Variants in SLC30A1 observed in about 807,000 individuals in gnomAD.
SLC30A1 encodes the protein solute carrier family 30 member 1.
In SLC30A1, 7 loss-of-function variants were observed where a neutral mutation model predicts 29.8. The observed-to-expected ratio is 0.23, with a 90% confidence interval of 0.13 to 0.44. SLC30A1 has a LOEUF of 0.44. Ranked by LOEUF, SLC30A1 falls within the 20% of genes least tolerant of loss-of-function variation. The pLI is 1.00. For missense variants in SLC30A1, 446 were observed against 647.9 expected, an observed-to-expected ratio of 0.69 and a Z score of 3.38; for synonymous variants, 254 against 253.5, an observed-to-expected ratio of 1.00 and a Z score of -0.02.
chr1:211,577,830 C>G lies in SLC30A1; in HGVS notation c.622+161G>C, dbSNP rs1409373575. ...CTGAGGGGGTTCTGATTTCCTGGAG[C>G]AGCAGCGGGGCGTGTGCAGGACGGG... On this transcript the variant is annotated intron_variant, in intron 1 of 1. Transcript: ENST00000367001. The surrounding 1 kb of genome is among the most constrained non-coding windows in gnomAD (Gnocchi z 4.5). Among the ~76,000 whole-genome samples, 1 of 152,222 alleles carries G rather than the reference C, an allele frequency of 6.6e-6. No individual in the cohort carries two copies. The highest frequency in any genetic ancestry group is 1.5e-5 in the Non-Finnish European group (1 of 68,032).
At position 211,577,902 on chromosome 1, in the gene SLC30A1, G is replaced by A. The variant is rs1706740771; in HGVS notation, c.622+89C>T. On this transcript the variant is annotated intron_variant, in intron 1 of 1. Transcript: ENST00000367001. This position sits in a 1 kb window ranked among gnomAD's most constrained non-coding sequence, Gnocchi z 4.5. ...GCGGCGCAGGCCCGCTCGGGCAGCA[G>A]GGGGCGTGCGGGCCACCCCGCCGAA... 6.5e-7 allele frequency: 1 copy of A among 1,548,126 alleles called. No individual in the cohort carries two copies. Among genetic ancestry groups the A allele is most frequent in the African/African-American group, 1.4e-5 (1 of 73,770 alleles).
In SLC30A1 at chr1:211,577,087, T is replaced by C. The variant is rs1208470543; in HGVS notation, c.623-798A>G. ...TACAACTTGAATTTCACTAACTTCA[T>C]ATTCTGCACTCGAAAAGGAAAATTA... On this transcript the variant is annotated intron_variant, in intron 1 of 1. Transcript: ENST00000367001. This position sits in a 1 kb window ranked among gnomAD's most constrained non-coding sequence, Gnocchi z 4.5. Among the ~76,000 whole-genome samples, 4 of 152,194 alleles carry C rather than the reference T, an allele frequency of 2.6e-5. No homozygotes were observed. Among genetic ancestry groups the C allele is most frequent in the Non-Finnish European group, 4.4e-5 (3 of 68,030 alleles).
In SLC30A1 at chr1:211,578,252, C is replaced by T. The variant is rs1253515265; in HGVS notation, c.361G>A (p.Val121Met). The change falls in exon 1 of 2, where the codon GTG becomes ATG. Residue 121 changes from valine to methionine, a missense_variant. By Grantham distance (21) the Val-to-Met change is conservative. Around this residue, in one of 5 missense-constraint regions of SLC30A1, gnomAD observed 37 missense variants for 64.0 expected, o/e 0.58. Coordinates refer to ENST00000367001, the MANE Select transcript of SLC30A1 (RefSeq NM_021194.3). Reference protein sequence around the residue: ...QQPLVVLGVGVAGLLVNVLGL... With the variant: ...QQPLVVLGVGMAGLLVNVLGL... ...AGCACGTTGACCAGCAGCCCGGCCA[C>T]GCCGACCCCAAGGACCACCAGCGGC... The T allele has an allele frequency of 6.2e-7, 1 of 1,612,176 alleles. No individual in the cohort carries two copies. Among genetic ancestry groups the T allele is most frequent in the Non-Finnish European group, 8.5e-7 (1 of 1,179,502 alleles).
Position 211,578,174 on chromosome 1 carries a change from C to T in SLC30A1, c.439G>A (p.Gly147Ser). 1 of 1,608,610 alleles carries T rather than the reference C, an allele frequency of 6.2e-7. No individual in the cohort carries two copies. The highest frequency in any genetic ancestry group is 1.3e-5 in the African/African-American group (1 of 74,982). ...HSGFSQDSGH[G>S]HSHGGHGHGH... is the part of the protein sequence containing the mutation. ...TGGCCGTGACCCCCGTGCGAGTGGC[C>T]GTGGCCGGAGTCCTGGCTGAAGCCG... is the stretch of plus-strand genomic sequence containing the variant. The change falls in exon 1 of 2, where the codon GGC becomes AGC. Residue 147 changes from glycine (G) to serine (S), a missense_variant. Transcript: ENST00000367001.
At position 211,571,574 on chromosome 1, in the gene SLC30A1, T is replaced by C. The variant is rs1706653410; in HGVS notation, c.*3814A>G. The stretch of plus-strand genomic sequence containing the variant: ...GCCATATGCACAAATGAAGTAGATA[T>C]TAAAATTAGTTTATTTTTCTACTTA... On this transcript the variant is annotated 3_prime_UTR_variant, in exon 2 of 2. Coordinates refer to ENST00000367001, the MANE Select transcript of SLC30A1 (RefSeq NM_021194.3). 6.6e-6 allele frequency: 1 copy of C among 152,224 alleles called. No homozygotes were observed. Among genetic ancestry groups the C allele is most frequent in the Admixed American group, 6.5e-5 (1 of 15,282 alleles). The allele number at this position is 152,224 out of a possible 1,614,324, so 9.4% of individuals were successfully genotyped here. A position where few individuals can be genotyped will look rare whatever the true frequency, so the allele number is the denominator to read the frequency against.
chr1:211,576,122 C>T lies in SLC30A1; in HGVS notation c.790G>A (p.Val264Ile), dbSNP rs1450677908. 2 of 1,614,030 alleles carry T rather than the reference C, an allele frequency of 1.2e-6. No individual in the cohort carries two copies. The highest frequency in any genetic ancestry group is 2.2e-5 in the South Asian group (2 of 91,070). ...GDALGSVIVV[V>I]NALVFYFSWK... ...GAAAAGTAAAAGACTAAGGCATTTACTACTACAATCACTGAACCCAAGGCA... is the reference window on the plus strand; with the variant it reads ...GAAAAGTAAAAGACTAAGGCATTTATTACTACAATCACTGAACCCAAGGCA... Residue 264 changes from valine (V) to isoleucine (I), a missense_variant, in exon 2 of 2, where the codon GTA (valine) becomes ATA (isoleucine). This residue lies in a region of SLC30A1 where 187 missense variants were observed against 312.7 expected (regional missense o/e 0.60). Coordinates refer to ENST00000367001, the MANE Select transcript of SLC30A1 (RefSeq NM_021194.3).
At position 211,575,745 on chromosome 1, in the gene SLC30A1, T is replaced by C. The variant is rs1229301191; in HGVS notation, c.1167A>G (p.Lys389=). ...GSRIIATAHI[K]CEDPTSYMEV... is the part of the protein sequence containing the mutation. ...CCATGTATGATGTTGGATCTTCACA[T>C]TTTATGTGAGCAGTGGCAATGATTC... Residue 389 remains lysine (K), a synonymous_variant, in exon 2 of 2, where the codon AAA becomes AAG. Coordinates refer to ENST00000367001, the MANE Select transcript of SLC30A1 (RefSeq NM_021194.3). This position sits in a 1 kb window ranked among gnomAD's most constrained non-coding sequence, Gnocchi z 6.0. 6.2e-7 allele frequency: 1 copy of C among 1,614,154 alleles called. No homozygotes were observed. Among genetic ancestry groups the C allele is most frequent in the Admixed American group, 1.7e-5 (1 of 60,030 alleles).
In SLC30A1 at chr1:211,574,625, T is replaced by C. The variant is rs1706696747; in HGVS notation, c.*763A>G. 6.6e-6 allele frequency: 1 copy of C among 152,162 alleles called. No homozygotes were observed. The highest frequency in any genetic ancestry group is 1.5e-5 in the Non-Finnish European group (1 of 67,990). 9.4% of individuals were successfully genotyped at this position (152,162 alleles called of 1,614,324 possible). On this transcript the variant is annotated 3_prime_UTR_variant, in exon 2 of 2. Coordinates refer to ENST00000367001, the MANE Select transcript of SLC30A1 (RefSeq NM_021194.3). ...AATCTTTCAAAGAAAGTAATGCTGG[T>C]GAACATGTCCAAGTTTCAGATTAAC...
chr1:211,576,326 A>G (rs1427592356), intron 1 of SLC30A1, 37 bp from the exon 2 acceptor site: 52 of 1,322,664 alleles, frequency 3.9e-5, no homozygotes, highest in Non-Finnish European at 5.2e-5. Context: ...AAATACATTT[A>G]AAGTGTTTAT....
At position 211,579,037 on chromosome 1, in the gene SLC30A1, G is replaced by A. The variant is rs969877000; in HGVS notation, c.-425C>T. 2.0e-5 allele frequency among the ~76,000 whole-genome samples: 3 copies of A among 152,206 alleles called. No homozygotes were observed. The highest frequency in any genetic ancestry group is 4.4e-5 in the Non-Finnish European group (3 of 68,014). On this transcript the variant is annotated 5_prime_UTR_variant, in exon 1 of 2. Transcript: ENST00000367001. ...GGCAGCTTCGCGCCGAGAAAGCTCC[G>A]AGCATCTGAGGGCTCTGCTTGCTGG...
rs1371279925 is a variant in SLC30A1, at chr1:211,577,842, G to C, written c.622+149C>G. On this transcript the variant is annotated intron_variant, in intron 1 of 1. Coordinates refer to ENST00000367001, the MANE Select transcript of SLC30A1 (RefSeq NM_021194.3). This position sits in a 1 kb window ranked among gnomAD's most constrained non-coding sequence, Gnocchi z 4.5. Reference sequence around the variant, plus strand: ...TGATTTCCTGGAGCAGCAGCGGGGCGTGTGCAGGACGGGGAGGGAGCAGGC... The same window carrying C: ...TGATTTCCTGGAGCAGCAGCGGGGCCTGTGCAGGACGGGGAGGGAGCAGGC... 2.6e-5 allele frequency: 27 copies of C among 1,025,072 alleles called. No individual in the cohort carries two copies. Among genetic ancestry groups the C allele is most frequent in the Middle Eastern group, 3.3e-4 (1 of 3,066 alleles). The allele number at this position is 1,025,072 out of a possible 1,614,324, so 63.5% of individuals were successfully genotyped here. A position where few individuals can be genotyped will look rare whatever the true frequency, so the allele number is the denominator to read the frequency against.
Position 211,578,869 on chromosome 1 carries a change from C to T in SLC30A1, c.-257G>A. Reference sequence around the variant, plus strand: ...AGGCGTCCGTCCTCAGAGCCGGCGCCGAGGCCCGGCTCAGCCTCAGCAGCC... The same window carrying T: ...AGGCGTCCGTCCTCAGAGCCGGCGCTGAGGCCCGGCTCAGCCTCAGCAGCC... On this transcript the variant is annotated 5_prime_UTR_variant, in exon 1 of 2. Transcript: ENST00000367001. The T allele has an allele frequency of 3.4e-6, 1 of 291,244 alleles. No individual in the cohort carries two copies. The highest frequency in any genetic ancestry group is 2.2e-5 in the African/African-American group (1 of 45,140). The allele number at this position is 291,244 out of a possible 1,614,324, so 18.0% of individuals were successfully genotyped here.
In SLC30A1 at chr1:211,575,298, T is replaced by C; in HGVS notation, c.*90A>G. The C allele has an allele frequency of 9.0e-7, 1 of 1,114,352 alleles. No homozygotes were observed. Among genetic ancestry groups the C allele is most frequent in the East Asian group, 2.4e-5 (1 of 42,442 alleles). 69.0% of individuals were successfully genotyped at this position (1,114,352 alleles called of 1,614,324 possible). A position where few individuals can be genotyped will look rare whatever the true frequency, so the allele number is the denominator to read the frequency against. ...CTGTGTGACCAGACAAGGACTTCAA[T>C]TACACTACTTGGCAAACTTAGAATT... is the stretch of plus-strand genomic sequence containing the variant. On this transcript the variant is annotated 3_prime_UTR_variant, in exon 2 of 2. Coordinates refer to ENST00000367001, the MANE Select transcript of SLC30A1 (RefSeq NM_021194.3). The surrounding 1 kb of genome is among the most constrained non-coding windows in gnomAD (Gnocchi z 6.0).
Position 211,576,001 on chromosome 1 carries a change from G to A in SLC30A1, c.911C>T (p.Ser304Leu). 1 of 1,613,726 alleles carries A rather than the reference G, an allele frequency of 6.2e-7. No homozygotes were observed. The highest frequency in any genetic ancestry group is 8.5e-7 in the Non-Finnish European group (1 of 1,179,862). ...FVEIINSTHASVYEAGPCWVL... is the reference protein window; with the variant it reads ...FVEIINSTHALVYEAGPCWVL... ...CCAGCAAGGACCAGCCTCATAAACT[G>A]ATGCATGAGTACTATTAATTATTTC... Residue 304 changes from serine to leucine, a missense_variant, in exon 2 of 2, where the codon TCA becomes TTA. By Grantham distance (145) the Ser-to-Leu change is moderately radical. This residue lies in a region of SLC30A1 where 187 missense variants were observed against 312.7 expected (regional missense o/e 0.60). Coordinates refer to ENST00000367001, the MANE Select transcript of SLC30A1 (RefSeq NM_021194.3).
In SLC30A1 at chr1:211,572,721, GA is replaced by G. The variant is rs1182696709; in HGVS notation, c.*2666del. 6.6e-6 allele frequency: 1 copy of G among 152,038 alleles called. No homozygotes were observed. The highest frequency in any genetic ancestry group is 1.5e-5 in the Non-Finnish European group (1 of 67,944). The allele number at this position is 152,038 out of a possible 1,614,324, so 9.4% of individuals were successfully genotyped here. A position where few individuals can be genotyped will look rare whatever the true frequency, so the allele number is the denominator to read the frequency against. On this transcript the variant is annotated 3_prime_UTR_variant, in exon 2 of 2. Coordinates refer to ENST00000367001, the MANE Select transcript of SLC30A1 (RefSeq NM_021194.3). ...AGTTTTACAATGCAGACATCCTTCA[GA>G]AAAAACTAAGCAATCATAAAAGCTA...
chr1:211,576,361 T>C, intron 1 of SLC30A1, 72 bp from the exon 2 acceptor site: 1 of 1,062,382 alleles, frequency 9.4e-7, no homozygotes, highest in Non-Finnish European at 1.3e-6. Context: ...CTAATTCTTT[T>C]TAAGTGGTGA....
chr1:211,576,636 C>T (rs1249221943), intron 1 of SLC30A1, among the ~76,000 whole-genome samples: 3 of 152,102 alleles, frequency 2.0e-5, no homozygotes, highest in African/African-American at 7.2e-5. Flanking sequence ...AATGCTAACA[C>T]CAAAATTAAA....
Position 211,574,189 on chromosome 1 carries a change from G to A in SLC30A1, c.*1199C>T, listed in dbSNP as rs1438826346. 6.6e-6 allele frequency: 1 copy of A among 151,586 alleles called. No homozygotes were observed. Among genetic ancestry groups the A allele is most frequent in the Non-Finnish European group, 1.5e-5 (1 of 67,808 alleles). The allele number at this position is 151,586 out of a possible 1,614,324, so 9.4% of individuals were successfully genotyped here. On this transcript the variant is annotated 3_prime_UTR_variant, in exon 2 of 2. Transcript: ENST00000367001. ...TGGATTTGAAATCTATAGCAATAATGAAATAGCCACAATTTTCTGTGTAGA... is the reference window on the plus strand; with the variant it reads ...TGGATTTGAAATCTATAGCAATAATAAAATAGCCACAATTTTCTGTGTAGA...
Position 211,572,393 on chromosome 1 carries a change from A to G in SLC30A1, c.*2995T>C, listed in dbSNP as rs1318015015. 2 of 152,110 alleles carry G rather than the reference A, an allele frequency of 1.3e-5. No individual in the cohort carries two copies. The highest frequency in any genetic ancestry group is 1.5e-5 in the Non-Finnish European group (1 of 67,950). 9.4% of individuals were successfully genotyped at this position (152,110 alleles called of 1,614,324 possible). The stretch of plus-strand genomic sequence containing the variant: ...TAATGACATTTTTATCATTCAAATG[A>G]TATCTGCTTATACACAGTAAAAATC... On this transcript the variant is annotated 3_prime_UTR_variant, in exon 2 of 2. Transcript: ENST00000367001.
Sources: gnomAD v4.1 joint callset for allele counts (sites outside exome capture counted in the v4.1 genomes callset) on GRCh38, gnomAD v4.1.1 for gene constraint, gnomAD v4.1.1 regional missense constraint, Gnocchi (gnomAD v3.1) non-coding constraint, MANE v1.5 for transcripts, NCBI Gene and HGNC (gene_info 2026-07-23, HGNC 2026-07-21) for gene names.